CINP: variants seen among roughly 807,000 people sequenced by gnomAD.
CINP encodes cyclin-dependent kinase 2-interacting protein.
Under a neutral mutation model 20.5 loss-of-function variants are expected in CINP, and 11 were observed. That is an observed-to-expected ratio of 0.54 (90% CI 0.34 to 0.89). CINP has a LOEUF of 0.89. Ranked by LOEUF, CINP falls within the 40% of genes least tolerant of loss-of-function variation. CINP has a pLI of 0.02. For missense variants in CINP, 213 were observed against 251.0 expected (o/e 0.85, Z 1.02); for synonymous variants, 108 against 102.1 (o/e 1.06, Z -0.35).
chr14:102,362,777 C>A, intron 1 of CINP, 68 bp downstream of exon 1: 1 of 1,604,238 alleles, frequency 6.2e-7, no homozygotes. Context: ...AGCTTCTGGT[C>A]CAACCTGCGG....
At chr14:102,361,444 C>T (rs1887147344) in intron 1 of CINP, among the ~76,000 whole-genome samples, 1 of 152,136 alleles carries the variant, frequency 6.6e-6, no homozygotes, top group Non-Finnish European at 1.5e-5. Flanking sequence ...TCGAGACCAT[C>T]CTGGCTAACA....
intron 4 of CINP, among the ~76,000 whole-genome samples, chr14:102,349,717 C>CT (rs1203482944): frequency 6.6e-6 from 1 of 152,140 alleles, no homozygotes; most frequent in Non-Finnish European, 1.5e-5. Context: ...TCACGGGTCT[C>CT]TATGTTTCAT....
At chr14:102,354,227 G>A (rs886091547) in intron 3 of CINP, among the ~76,000 whole-genome samples, 1 of 152,200 alleles carries the variant, frequency 6.6e-6, no homozygotes, top group African/African-American at 2.4e-5. Context: ...CAGTATGGTA[G>A]GTATTGAAAT....
chr14:102,360,545 C>T (rs563692659), intron 1 of CINP, among the ~76,000 whole-genome samples: 1 of 152,188 alleles, frequency 6.6e-6, no homozygotes, highest in African/African-American at 2.4e-5. Context: ...AACCCCAGCT[C>T]GCCAGCTGTG....
rs1440881502 is a variant in CINP, at chr14:102,359,226, A to AT, written c.176+192_176+193insA. On this transcript the variant is annotated intron_variant, in intron 2 of 4. Coordinates refer to ENST00000216756, the MANE Select transcript of CINP (RefSeq NM_032630.3). ...CAAAAAAATAAATAAATAAATAACT[A>AT]AATATATATATATATATATATATAT... Among the ~76,000 whole-genome samples, 793 of 110,974 alleles carry AT rather than the reference A, an allele frequency of 7.1e-3. 6 individuals carry two copies. Among genetic ancestry groups the AT allele is most frequent in the African/African-American group, 0.021 (698 of 33,406 alleles). 72.8% of individuals were successfully genotyped at this position (110,974 alleles called of 152,430 possible). A position where few individuals can be genotyped will look rare whatever the true frequency, so the allele number is the denominator to read the frequency against.
chr14:102,359,227 A>AATATATATATATATATATAT (rs10632205), intron 2 of CINP, among the ~76,000 whole-genome samples, 192 bp downstream of exon 2: 1,375 of 114,920 alleles, frequency 0.012, 37 homozygotes, highest in Non-Finnish European at 0.019. Context: ...TAAATAACTA[A>AATATATATATATATATATAT]ATATATATAT....
intron 3 of CINP, among the ~76,000 whole-genome samples, chr14:102,354,964 G>GAGGCTA (rs1209886838): frequency 2.0e-5 from 3 of 150,616 alleles, no homozygotes; most frequent in Non-Finnish European, 4.4e-5. Context: ...AGCTACCTGG[G>GAGGCTA]AGGCTAAGGC....
In CINP at chr14:102,348,329, C is replaced by CA. The variant is rs1302858236; in HGVS notation, c.*227dup. The CA allele has an allele frequency of 1.9e-4, 107 of 556,228 alleles. No homozygotes were observed. Among genetic ancestry groups the CA allele is most frequent in the Non-Finnish European group, 9.3e-5 (29 of 311,252 alleles). 34.5% of individuals were successfully genotyped at this position (556,228 alleles called of 1,614,324 possible). A position where few individuals can be genotyped will look rare whatever the true frequency, so the allele number is the denominator to read the frequency against. On this transcript the variant is annotated 3_prime_UTR_variant, in exon 5 of 5. Coordinates refer to ENST00000216756, the MANE Select transcript of CINP (RefSeq NM_032630.3). The stretch of plus-strand genomic sequence containing the variant: ...TTTACTCTGAAGCACCCACGAATGA[C>CA]AGATTCCCAGGAGGGGCAGAGAAGG...
At chr14:102,354,360 T>C (rs1886946656) in intron 3 of CINP, among the ~76,000 whole-genome samples, 1 of 152,246 alleles carries the variant, frequency 6.6e-6, no homozygotes, top group Non-Finnish European at 1.5e-5. Flanking sequence ...GCCCATAAGC[T>C]AAGATGGTTT....
In CINP at chr14:102,349,914, C is replaced by A; in HGVS notation, c.436+5G>T. ...CTGAAAATCAACTGAGAAGGAACTA[C>A]TTACAGAAATGGGTTGTAGGCCACG... On this transcript the variant is annotated splice_donor_5th_base_variant and intron_variant, in intron 4 of 4. Coordinates refer to ENST00000216756, the MANE Select transcript of CINP (RefSeq NM_032630.3). 1.2e-6 allele frequency: 2 copies of A among 1,613,680 alleles called. No individual in the cohort carries two copies. Among genetic ancestry groups the A allele is most frequent in the African/African-American group, 2.7e-5 (2 of 75,028 alleles).
intron 1 of CINP, among the ~76,000 whole-genome samples, chr14:102,360,561 T>C (rs1319718004): frequency 6.6e-6 from 1 of 152,212 alleles, no homozygotes; most frequent in Non-Finnish European, 1.5e-5. Context: ...CTGTGAGATC[T>C]TGGGCAACTT....
At chr14:102,349,196 G>A (rs1454965955) in intron 4 of CINP, among the ~76,000 whole-genome samples, 2 of 152,212 alleles carry the variant, frequency 1.3e-5, no homozygotes, top group South Asian at 2.1e-4. Flanking sequence ...GGAGGCTGTA[G>A]TGAGCCAAGA....
chr14:102,359,325 T>C, intron 2 of CINP, 94 bp downstream of exon 2: 1 of 923,862 alleles, frequency 1.1e-6, no homozygotes, highest in South Asian at 2.4e-5. Context: ...ACTTGCTTTT[T>C]TTGCTTAATA....
chr14:102,357,295 T>C (rs1465132262), intron 2 of CINP, among the ~76,000 whole-genome samples: 3 of 150,658 alleles, frequency 2.0e-5, no homozygotes, highest in Non-Finnish European at 2.9e-5. Context: ...GGCAGGAGAA[T>C]TGCTTGAACC....
chr14:102,349,241 G>A (rs1472882528), intron 4 of CINP, among the ~76,000 whole-genome samples: 1 of 152,150 alleles, frequency 6.6e-6, no homozygotes, highest in Non-Finnish European at 1.5e-5. Flanking sequence ...GTGACAGAGC[G>A]AGACTCTGTC....
At position 102,361,617 on chromosome 14, in the gene CINP, GGTGACAGAGCGAGACTCC is replaced by G. The variant is rs548824988; in HGVS notation, c.7+1210_7+1227del. 8.4e-4 allele frequency among the ~76,000 whole-genome samples: 128 copies of G among 152,246 alleles called. 1 individual carries two copies. Among genetic ancestry groups the G allele is most frequent in the African/African-American group, 3.0e-3 (124 of 41,538 alleles). ...GATCGCGCCACTGCACTCCAGCCTGGGTGACAGAGCGAGACTCCGTCTCAAAAACAAAACAAAACAAAA... is the reference window on the plus strand; with the variant it reads ...GATCGCGCCACTGCACTCCAGCCTGGGTCTCAAAAACAAAACAAAACAAAA... On this transcript the variant is annotated intron_variant, in intron 1 of 4. Transcript: ENST00000216756.
chr14:102,361,073 AT>A (rs141786928), intron 1 of CINP, among the ~76,000 whole-genome samples: 1,585 of 152,278 alleles, frequency 0.01, 29 homozygotes, highest in African/African-American at 0.036. Context: ...TCAGATCATG[AT>A]TAAGTGTGTG....
chr14:102,353,883 G>A (rs113646902), intron 3 of CINP, among the ~76,000 whole-genome samples: 4 of 152,284 alleles, frequency 2.6e-5, no homozygotes, highest in African/African-American at 9.6e-5. Context: ...CATGTCAGGA[G>A]TTCGAGACCA....
intron 4 of CINP, 82 bp from the exon 5 acceptor site, chr14:102,348,841 C>T (rs1487692320): frequency 7.5e-7 from 1 of 1,333,914 alleles, no homozygotes; most frequent in Non-Finnish European, 1.0e-6. Flanking sequence ...TTTAACAGCT[C>T]TTGATTAAAA....
Sources: gnomAD v4.1 joint callset for allele counts (sites outside exome capture counted in the v4.1 genomes callset) on GRCh38, gnomAD v4.1.1 for gene constraint, MANE v1.5 for transcripts, NCBI Gene and HGNC (gene_info 2026-07-23, HGNC 2026-07-21) for gene names.